The following PTPRD variants were observed in gnomAD, a reference collection of about 807,000 sequenced individuals.
PTPRD encodes the protein receptor-type tyrosine-protein phosphatase delta.
Under a neutral mutation model 214.5 loss-of-function variants are expected in PTPRD, and 34 were observed. That is an observed-to-expected ratio of 0.16 (90% CI 0.12 to 0.21). The LOEUF (loss-of-function observed/expected upper bound fraction) is 0.21. Among genes scored for constraint, PTPRD ranks in the 10% least tolerant of loss-of-function variants. PTPRD has a pLI of 1.00. For missense variants in PTPRD, 2,545 were observed against 2,398.7 expected, an observed-to-expected ratio of 1.06 and a Z score of -1.27; for synonymous variants, 1,128 against 845.7, an observed-to-expected ratio of 1.33 and a Z score of -5.79.
intron 3 of PTPRD, among the ~76,000 whole-genome samples, chr9:10,043,962 A>G (rs2097343689): frequency 6.6e-6 from 1 of 151,816 alleles, no homozygotes; most frequent in South Asian, 2.1e-4. Context: ...ATTTTTTATT[A>G]TTTGTAACAC....
chr9:10,375,737 T>G (rs2097715481), intron 2 of PTPRD, among the ~76,000 whole-genome samples: 3 of 152,034 alleles, frequency 2.0e-5, no homozygotes, highest in African/African-American at 7.2e-5. Context: ...TGATATGTGG[T>G]GATAGAATAT....
chr9:8,647,826 C>T (rs2096727521), intron 12 of PTPRD, among the ~76,000 whole-genome samples: 2 of 152,154 alleles, frequency 1.3e-5, no homozygotes, highest in South Asian at 4.2e-4. Context: ...ATCCACTGTC[C>T]AAAATAATGA....
chr9:9,817,862 G>A (rs1364592281), intron 5 of PTPRD, among the ~76,000 whole-genome samples: 5 of 152,158 alleles, frequency 3.3e-5, no homozygotes, highest in Non-Finnish European at 7.4e-5. Context: ...GAAACCAGAA[G>A]AGCTGTGCCT....
chr9:9,686,030 T>G (rs1292306210), intron 7 of PTPRD, among the ~76,000 whole-genome samples: 1 of 151,456 alleles, frequency 6.6e-6, no homozygotes, highest in Non-Finnish European at 1.5e-5. Flanking sequence ...ATTTTGGTGT[T>G]TTCAGGAGAG....
chr9:9,030,449 A>G (rs937288060), intron 10 of PTPRD, among the ~76,000 whole-genome samples: 6 of 151,734 alleles, frequency 4.0e-5, no homozygotes, highest in Non-Finnish European at 7.4e-5. Flanking sequence ...ACAGACTGAT[A>G]TTATCTTTTT....
intron 2 of PTPRD, among the ~76,000 whole-genome samples, chr9:10,390,252 C>A (rs2098030004): frequency 6.6e-6 from 1 of 151,744 alleles, no homozygotes; most frequent in Admixed American, 6.6e-5. Flanking sequence ...CAAAATCATA[C>A]CATGTGGTCT....
At chr9:8,725,052 T>A (rs1598050044) in intron 12 of PTPRD, among the ~76,000 whole-genome samples, 1 of 152,222 alleles carries the variant, frequency 6.6e-6, no homozygotes, top group South Asian at 2.1e-4. Context: ...CTGGTTTTGA[T>A]AATGTACTGT....
intron 2 of PTPRD, among the ~76,000 whole-genome samples, chr9:10,499,816 T>C (rs1197353538): frequency 6.6e-6 from 1 of 151,938 alleles, no homozygotes; most frequent in Non-Finnish European, 1.5e-5. Context: ...ATATTTATTG[T>C]CATGTGCCAA....
At chr9:8,575,585 C>T (rs1264409976) in intron 14 of PTPRD, among the ~76,000 whole-genome samples, 1 of 152,064 alleles carries the variant, frequency 6.6e-6, no homozygotes, top group Non-Finnish European at 1.5e-5. Flanking sequence ...TCTGCAAAAA[C>T]GTGGCTGCAG....
At chr9:9,179,782 G>T (rs1209005728) in intron 10 of PTPRD, among the ~76,000 whole-genome samples, 4 of 151,864 alleles carry the variant, frequency 2.6e-5, no homozygotes, top group East Asian at 1.9e-4. Context: ...AATGAATGAG[G>T]TCTCTGAAGT....
chr9:9,989,186 G>C (rs1028773019), intron 4 of PTPRD, among the ~76,000 whole-genome samples: 36 of 152,038 alleles, frequency 2.4e-4, no homozygotes, highest in African/African-American at 8.2e-4. Flanking sequence ...TGTTGATACA[G>C]ACAGGAATCA....
At chr9:10,602,265 A>G (rs1243944367) in intron 2 of PTPRD, among the ~76,000 whole-genome samples, 2 of 151,858 alleles carry the variant, frequency 1.3e-5, no homozygotes, top group African/African-American at 4.8e-5. Context: ...TTCAATTTTT[A>G]AAATTCACAT....
At chr9:9,115,058 A>G (rs929678317) in intron 10 of PTPRD, among the ~76,000 whole-genome samples, 3 of 152,100 alleles carry the variant, frequency 2.0e-5, no homozygotes, top group Admixed American at 1.3e-4. Context: ...CCTGAACTGG[A>G]GCTCAGAAAG....
intron 44 of PTPRD, 56 bp downstream of exon 44, chr9:8,331,526 A>T: frequency 1.9e-6 from 3 of 1,597,176 alleles, no homozygotes; most frequent in South Asian, 2.2e-5. Context: ...AAGTGTATAC[A>T]GACAATGAAG....
chr9:9,615,394 C>G (rs1301232495), intron 7 of PTPRD, among the ~76,000 whole-genome samples: 1 of 152,168 alleles, frequency 6.6e-6, no homozygotes, highest in Admixed American at 6.5e-5. Context: ...CAGCACCAGA[C>G]AGCTCCAGCC....
In PTPRD at chr9:8,983,916, T is replaced by A. The variant is rs2099326987; in HGVS notation, c.-104+34781A>T. Among the ~76,000 whole-genome samples, 5 of 152,232 alleles carry A rather than the reference T, an allele frequency of 3.3e-5. No homozygotes were observed. The South Asian group carries it at 1.0e-3, about 32-fold the overall frequency. ...AGAGGTTCAAAGAAATTAATTCATA[T>A]TTTTAGTAAGTTTTATATCTGAGTC... is the stretch of plus-strand genomic sequence containing the variant. On this transcript the variant is annotated intron_variant, in intron 11 of 45. Coordinates refer to ENST00000381196, the MANE Select transcript of PTPRD (RefSeq NM_002839.4).
chr9:8,436,438 A>C (rs1392943181), intron 35 of PTPRD, among the ~76,000 whole-genome samples, 154 bp downstream of exon 35: 1 of 152,244 alleles, frequency 6.6e-6, no homozygotes, highest in African/African-American at 2.4e-5. Context: ...TTGTGCAGAC[A>C]CTTTTAAGTT....
chr9:10,302,005 T>C (rs2154407408), intron 3 of PTPRD, among the ~76,000 whole-genome samples: 1 of 152,250 alleles, frequency 6.6e-6, no homozygotes, highest in Middle Eastern at 3.4e-3. Context: ...GAAAAAATGT[T>C]AAGGGCAGCC....
At chr9:10,253,887 G>C (rs1054035840) in intron 3 of PTPRD, among the ~76,000 whole-genome samples, 31 of 152,294 alleles carry the variant, frequency 2.0e-4, no homozygotes, top group South Asian at 4.1e-4. Flanking sequence ...CTGTGAAGTA[G>C]AATGATGTAG....
Sources: gnomAD v4.1 joint callset for allele counts (sites outside exome capture counted in the v4.1 genomes callset) on GRCh38, gnomAD v4.1.1 for gene constraint, MANE v1.5 for transcripts, NCBI Gene and HGNC (gene_info 2026-07-23, HGNC 2026-07-21) for gene names.